ANKRD6: variants seen among roughly 807,000 people sequenced by gnomAD.
ANKRD6 encodes the protein ankyrin repeat domain-containing protein 6.
ANKRD6 carries 56 observed loss-of-function variants against 82.3 expected under a neutral mutation model. That is an observed-to-expected ratio of 0.68 (90% CI 0.55 to 0.85). The LOEUF (loss-of-function observed/expected upper bound fraction) is 0.85, where lower values mean the gene tolerates loss of function less well. Among genes scored for constraint, ANKRD6 ranks in the 40% least tolerant of loss-of-function variants. The pLI is 0.00. For synonymous variants in ANKRD6, 347 were observed against 352.1 expected, an observed-to-expected ratio of 0.99 and a Z score of 0.16; for missense variants, 852 against 907.6, an observed-to-expected ratio of 0.94 and a Z score of 0.79.
At chr6:89,532,005 C>T (rs919531821) in intron 1 of ANKRD6, among the ~76,000 whole-genome samples, 5 of 152,068 alleles carry the variant, frequency 3.3e-5, no homozygotes, top group Non-Finnish European at 5.9e-5. Context: ...GTAGAACCAA[C>T]GAGGAAGAGC....
At chr6:89,600,793 T>C (rs544321730) in intron 3 of ANKRD6, among the ~76,000 whole-genome samples, 4 of 152,166 alleles carry the variant, frequency 2.6e-5, no homozygotes, top group Admixed American at 6.5e-5. Flanking sequence ...CCCAACACTT[T>C]GGGAGGTGGA....
intron 1 of ANKRD6, among the ~76,000 whole-genome samples, chr6:89,472,254 G>T (rs545757527): frequency 1.3e-5 from 2 of 152,224 alleles, no homozygotes; most frequent in African/African-American, 4.8e-5. Flanking sequence ...GACCCTATTT[G>T]CAAATAAGTT....
At chr6:89,535,778 C>T (rs993513756) in intron 1 of ANKRD6, among the ~76,000 whole-genome samples, 1 of 152,192 alleles carries the variant, frequency 6.6e-6, no homozygotes, top group Non-Finnish European at 1.5e-5. Flanking sequence ...ATGACAGTTC[C>T]AAGCAGTTGC....
intron 13 of ANKRD6, among the ~76,000 whole-genome samples, chr6:89,625,841 C>G (rs1805482361): frequency 6.6e-6 from 1 of 151,086 alleles, no homozygotes; most frequent in African/African-American, 2.4e-5. Flanking sequence ...TCAAGCGATT[C>G]TCCCACCTCA....
At chr6:89,573,465 C>A (rs1583385288) in intron 2 of ANKRD6, among the ~76,000 whole-genome samples, 1 of 152,284 alleles carries the variant, frequency 6.6e-6, no homozygotes, top group East Asian at 1.9e-4. Context: ...CCTCTGGAGT[C>A]ATTTATCCTT....
intron 1 of ANKRD6, among the ~76,000 whole-genome samples, chr6:89,452,466 G>C (rs1416797421): frequency 6.6e-6 from 1 of 152,174 alleles, no homozygotes; most frequent in Non-Finnish European, 1.5e-5. Context: ...AACCTACTCA[G>C]ATGTCATAAA....
At chr6:89,612,181 C>T in intron 5 of ANKRD6, 91 bp from the exon 6 acceptor site, 1 of 1,180,688 alleles carries the variant, frequency 8.5e-7, no homozygotes, top group Non-Finnish European at 1.2e-6. Context: ...TTGCCTTTTC[C>T]CCCGAGTAAG....
Position 89,433,756 on chromosome 6 carries a change from G to C in ANKRD6, c.-144+381G>C, listed in dbSNP as rs1770261763. 6.6e-6 allele frequency among the ~76,000 whole-genome samples: 1 copy of C among 152,232 alleles called. No homozygotes were observed. Among genetic ancestry groups the C allele is most frequent in the Non-Finnish European group, 1.5e-5 (1 of 68,036 alleles). ...ACCCCGCGGTCTGCGGCGCGTAGGAGGGTAGGTCCCTGGCCTGCGGCCGCC... is the reference window on the plus strand; with the variant it reads ...ACCCCGCGGTCTGCGGCGCGTAGGACGGTAGGTCCCTGGCCTGCGGCCGCC... On this transcript the variant is annotated intron_variant, in intron 1 of 15. Transcript: ENST00000339746. The surrounding 1 kb of genome is among the most constrained non-coding windows in gnomAD (Gnocchi z 4.3).
intron 1 of ANKRD6, among the ~76,000 whole-genome samples, chr6:89,558,488 A>G (rs771241125): frequency 6.6e-6 from 1 of 152,174 alleles, no homozygotes. Context: ...TACACACTGT[A>G]TGATTCCAGC....
Position 89,492,251 on chromosome 6 carries a change from G to A in ANKRD6, c.-144+58876G>A, listed in dbSNP as rs137965609. On this transcript the variant is annotated intron_variant, in intron 1 of 15. Coordinates refer to ENST00000339746, the MANE Select transcript of ANKRD6 (RefSeq NM_001242809.2). Reference sequence around the variant, plus strand: ...GAGAAGGGAGCAGCCTGGCCTGAGCGCGGATTTTGTGAAAGGCATGACAGG... The same window carrying A: ...GAGAAGGGAGCAGCCTGGCCTGAGCACGGATTTTGTGAAAGGCATGACAGG... 9.7e-3 allele frequency among the ~76,000 whole-genome samples: 1,476 copies of A among 152,274 alleles called. 15 individuals are homozygous for A. The highest frequency in any genetic ancestry group is 0.013 in the Non-Finnish European group (904 of 68,022).
intron 6 of ANKRD6, among the ~76,000 whole-genome samples, chr6:89,612,850 G>A (rs966702804): frequency 6.6e-6 from 1 of 152,176 alleles, no homozygotes; most frequent in African/African-American, 2.4e-5. Context: ...GGTCACATGG[G>A]TATCGCTTCT....
At chr6:89,493,160 G>A (rs1778202093) in intron 1 of ANKRD6, among the ~76,000 whole-genome samples, 1 of 152,186 alleles carries the variant, frequency 6.6e-6, no homozygotes, top group Non-Finnish European at 1.5e-5. Context: ...CTTGGTGGGT[G>A]TAAAGCAACA....
At chr6:89,532,234 G>T (rs1384176138) in intron 1 of ANKRD6, among the ~76,000 whole-genome samples, 1 of 152,122 alleles carries the variant, frequency 6.6e-6, no homozygotes, top group Non-Finnish European at 1.5e-5. Flanking sequence ...AAATATCAGG[G>T]CACCCTGTGG....
In ANKRD6 at chr6:89,585,368, A is replaced by G. The variant is rs183646899; in HGVS notation, c.121-10548A>G. ...TAGCCACCACAGTAAGGCAAGAAGA[A>G]TGCAAGCAATTTAATCCCCAAAGAA... On this transcript the variant is annotated intron_variant, in intron 2 of 15. Transcript: ENST00000339746. 3.2e-3 allele frequency among the ~76,000 whole-genome samples: 482 copies of G among 152,326 alleles called. 2 individuals carry two copies. Among genetic ancestry groups the G allele is most frequent in the African/African-American group, 0.011 (450 of 41,568 alleles).
At chr6:89,592,395 T>C (rs1311980814) in intron 2 of ANKRD6, among the ~76,000 whole-genome samples, 3 of 152,122 alleles carry the variant, frequency 2.0e-5, no homozygotes, top group Non-Finnish European at 4.4e-5. Context: ...TGGAGGTTAT[T>C]CCTATTTTAC....
intron 1 of ANKRD6, among the ~76,000 whole-genome samples, chr6:89,474,065 C>G (rs898569690): frequency 1.3e-5 from 2 of 152,114 alleles, no homozygotes; most frequent in African/African-American, 4.8e-5. Flanking sequence ...TCAAACTTCT[C>G]CAAATAGACG....
intron 1 of ANKRD6, among the ~76,000 whole-genome samples, chr6:89,521,153 T>C (rs1781838276): frequency 6.6e-6 from 1 of 152,240 alleles, no homozygotes; most frequent in East Asian, 1.9e-4. Flanking sequence ...GATTTGAGTA[T>C]CTACCATGTG....
intron 1 of ANKRD6, among the ~76,000 whole-genome samples, chr6:89,518,759 G>A (rs1781535264): frequency 6.6e-6 from 1 of 152,214 alleles, no homozygotes; most frequent in Non-Finnish European, 1.5e-5. Flanking sequence ...AGTCAAGCCA[G>A]GGGCACTGAT....
intron 1 of ANKRD6, among the ~76,000 whole-genome samples, chr6:89,536,735 A>C (rs1332919097): frequency 6.6e-6 from 1 of 152,210 alleles, no homozygotes; most frequent in African/African-American, 2.4e-5. Context: ...AACTTTGCAA[A>C]GCAAGCCAGC....
Sources: gnomAD v4.1 joint callset for allele counts (sites outside exome capture counted in the v4.1 genomes callset) on GRCh38, gnomAD v4.1.1 for gene constraint, Gnocchi (gnomAD v3.1) non-coding constraint, MANE v1.5 for transcripts, NCBI Gene and HGNC (gene_info 2026-07-23, HGNC 2026-07-21) for gene names.